Variants in TMEM217 observed in about 807,000 individuals in gnomAD.
TMEM217 encodes transmembrane protein 217, also known as chromosome 6 open reading frame 128.
For missense variants in TMEM217, 204 were observed against 248.8 expected (o/e 0.82, Z 1.21); for synonymous variants, 76 against 88.3 (o/e 0.86, Z 0.78).
downstream of TMEM217, among the ~76,000 whole-genome samples, chr6:37,214,545 T>C (rs1340217140): frequency 6.6e-6 from 1 of 152,024 alleles, no homozygotes; most frequent in East Asian, 1.9e-4. Context: ...AACTTTTTCA[T>C]CATCCCCACC....
At position 37,247,706 on chromosome 6, in the gene TMEM217, A is replaced by C. The variant is rs946932723; in HGVS notation, c.-12+9862T>G. Among the ~76,000 whole-genome samples the C allele has an allele frequency of 1.4e-4, 21 of 152,236 alleles. 1 individual carries two copies. Among genetic ancestry groups the C allele is most frequent in the Admixed American group, 1.4e-3 (21 of 15,300 alleles). ...GCAAACTATTAAGCCAACTACCACAATGGACAACAGGAGCTTAATCCTGTG... is the reference window on the plus strand; with the variant it reads ...GCAAACTATTAAGCCAACTACCACACTGGACAACAGGAGCTTAATCCTGTG... On this transcript the variant is annotated intron_variant, in intron 1 of 1. Coordinates refer to ENST00000357219, the Ensembl canonical transcript of TMEM217.
At chr6:37,229,656 G>A (rs1040834002) in intron 1 of TMEM217, among the ~76,000 whole-genome samples, 2 of 152,106 alleles carry the variant, frequency 1.3e-5, no homozygotes, top group African/African-American at 4.8e-5. Flanking sequence ...GCAACTTTCA[G>A]TTTTACTAGT....
Position 37,218,917 on chromosome 6 carries a change from C to T in TMEM217, c.114G>A (p.Gly38=), listed in dbSNP as rs34322528. 6.4e-3 allele frequency: 10,261 copies of T among 1,614,178 alleles called. 37 individuals are homozygous for T. Among genetic ancestry groups the T allele is most frequent in the Non-Finnish European group, 7.8e-3 (9,217 of 1,180,038 alleles). ...GTGTGATCTCAGTGCAACTGCCATTCCCTAGGTGCTTCTGTTCAAAGATGA... is the reference window on the plus strand; with the variant it reads ...GTGTGATCTCAGTGCAACTGCCATTTCCTAGGTGCTTCTGTTCAAAGATGA... Residue 38 remains glycine (G), a synonymous_variant, in exon 2 of 2, where the codon GGG becomes GGA. Coordinates refer to ENST00000357219, the Ensembl canonical transcript of TMEM217.
chr6:37,218,110 C>T, exon 2 of TMEM217: 1 of 1,040,442 alleles, frequency 9.6e-7, no homozygotes, highest in Non-Finnish European at 1.2e-6. Context: ...AGAGACCTAC[C>T]TCTTATGGGA....
chr6:37,218,155 G>A, exon 2 of TMEM217: 1 of 1,161,420 alleles, frequency 8.6e-7, no homozygotes, highest in Non-Finnish European at 1.1e-6. Context: ...TATAGTGGTG[G>A]ATAAAGCTGC....
intron 1 of TMEM217, among the ~76,000 whole-genome samples, chr6:37,227,729 A>G (rs776290975): frequency 2.6e-5 from 4 of 152,058 alleles, no homozygotes; most frequent in Non-Finnish European, 4.4e-5. Flanking sequence ...GATTACAGGT[A>G]TGAGCCATTG....
intron 1 of TMEM217, among the ~76,000 whole-genome samples, chr6:37,255,248 C>T (rs1279795948): frequency 1.3e-5 from 2 of 152,144 alleles, no homozygotes; most frequent in Non-Finnish European, 1.5e-5. Flanking sequence ...AGAAAGAAAG[C>T]ATAATGAGAT....
intron 1 of TMEM217, among the ~76,000 whole-genome samples, chr6:37,239,925 C>T (rs892316267): frequency 1.3e-5 from 2 of 151,290 alleles, no homozygotes; most frequent in Non-Finnish European, 2.9e-5. Context: ...CATTTGGCTG[C>T]AAGGAACAGA....
chr6:37,246,641 G>A (rs567156809), intron 1 of TMEM217, among the ~76,000 whole-genome samples: 59 of 152,232 alleles, frequency 3.9e-4, no homozygotes, highest in African/African-American at 1.2e-3. Flanking sequence ...GGTGGTTCAC[G>A]TCTGTAACCC....
At chr6:37,243,872 G>T (rs1354944896) in intron 1 of TMEM217, among the ~76,000 whole-genome samples, 1 of 152,186 alleles carries the variant, frequency 6.6e-6, no homozygotes, top group African/African-American at 2.4e-5. Flanking sequence ...TGCTGAGTCT[G>T]CCTCTGGATG....
chr6:37,215,134 G>A, downstream of TMEM217: 1 of 1,597,020 alleles, frequency 6.3e-7, no homozygotes, highest in Non-Finnish European at 8.5e-7. Context: ...TATAATAATG[G>A]CCTAACTTCC....
intron 1 of TMEM217, 46 bp downstream of exon 1, chr6:37,257,522 C>CGAA (rs1357186286): frequency 4.7e-6 from 1 of 212,052 alleles, no homozygotes; most frequent in Non-Finnish European, 9.6e-6. Flanking sequence ...TCATTCCTCA[C>CGAA]GAAGAAGATA....
At chr6:37,252,018 C>T (rs897717997) in intron 1 of TMEM217, among the ~76,000 whole-genome samples, 3 of 152,046 alleles carry the variant, frequency 2.0e-5, no homozygotes, top group East Asian at 1.9e-4. Context: ...CTCAGCCTCC[C>T]GAGTAGCTGG....
intron 1 of TMEM217, among the ~76,000 whole-genome samples, chr6:37,222,325 C>A (rs184913150): frequency 6.6e-6 from 1 of 152,220 alleles, no homozygotes; most frequent in Admixed American, 6.5e-5. Flanking sequence ...CATGGCCCCC[C>A]CAGGGCTCGA....
At chr6:37,218,452 C>T (rs1562001088) in exon 2 of TMEM217, 3 of 1,611,436 alleles carry the variant, frequency 1.9e-6, no homozygotes, top group East Asian at 2.2e-5. Context: ...ACTGGGATTC[C>T]AGGTGTGAGC....
chr6:37,218,165 C>T (rs1763320626), exon 2 of TMEM217: 2 of 1,157,406 alleles, frequency 1.7e-6, no homozygotes, highest in East Asian at 9.7e-5. Context: ...GATAAAGCTG[C>T]TAACTTTTTT....
chr6:37,216,761 G>A (rs554214439), downstream of TMEM217, among the ~76,000 whole-genome samples: 64 of 152,132 alleles, frequency 4.2e-4, no homozygotes, highest in Non-Finnish European at 6.3e-4. Flanking sequence ...TTTAGGAGGT[G>A]ATTGAATCAT....
chr6:37,248,991 C>T (rs1765243998), intron 1 of TMEM217, among the ~76,000 whole-genome samples: 1 of 152,182 alleles, frequency 6.6e-6, no homozygotes, highest in Admixed American at 6.5e-5. Context: ...CTTGTGGCTG[C>T]ATCACTCCAA....
At chr6:37,242,206 T>C (rs200747897) in intron 1 of TMEM217, among the ~76,000 whole-genome samples, 1 of 152,078 alleles carries the variant, frequency 6.6e-6, no homozygotes, top group Non-Finnish European at 1.5e-5. Context: ...TAGAGCTCAG[T>C]CCCCAGCCAA....
Sources: allele counts gnomAD v4.1 joint callset (sites outside exome capture counted in the v4.1 genomes callset), GRCh38; gene constraint gnomAD v4.1.1; transcripts MANE v1.5; gene names NCBI Gene and HGNC (gene_info 2026-07-23, HGNC 2026-07-21).